GPC4: variants seen among roughly 807,000 people sequenced by gnomAD.
The protein encoded by GPC4 is glypican-4.
Under a neutral mutation model 35.0 loss-of-function variants are expected in GPC4, and 10 were observed. That is an observed-to-expected ratio of 0.29 (90% CI 0.18 to 0.48). The LOEUF (loss-of-function observed/expected upper bound fraction) is 0.48, where lower values mean the gene tolerates loss of function less well. Ranked by LOEUF, GPC4 falls within the 20% of genes least tolerant of loss-of-function variation. The pLI is 0.99. For missense variants in GPC4, 322 were observed against 451.3 expected (o/e 0.71, Z 2.60); for synonymous variants, 167 against 170.2 (o/e 0.98, Z 0.15).
chrX:133,402,695 G>T (rs764401045), intron 1 of GPC4, among the ~76,000 whole-genome samples: 1 of 111,222 alleles, frequency 9.0e-6, no homozygotes, highest in African/African-American at 3.3e-5. Flanking sequence ...CCTGAGGTCA[G>T]GGGTTCGAGA....
chrX:133,387,633 T>C (rs756001133), intron 1 of GPC4, among the ~76,000 whole-genome samples: 10 of 112,174 alleles, frequency 8.9e-5, no homozygotes, highest in Non-Finnish European at 1.3e-4. Flanking sequence ...GGAATAATTA[T>C]ATAGGACTTA....
intron 4 of GPC4, among the ~76,000 whole-genome samples, chrX:133,306,601 G>T (rs1015324535): frequency 9.0e-6 from 1 of 111,640 alleles, no homozygotes; most frequent in African/African-American, 3.3e-5. Flanking sequence ...TTAAGATGCT[G>T]GCATATTAAT....
chrX:133,315,856 TG>T (rs1251683473), intron 3 of GPC4, among the ~76,000 whole-genome samples: 5 of 111,575 alleles, frequency 4.5e-5, no homozygotes, highest in Non-Finnish European at 9.4e-5. Context: ...TCCTTGGGGC[TG>T]GGGTAAGAGC....
chrX:133,334,500 A>T (rs1461135351), intron 2 of GPC4, among the ~76,000 whole-genome samples: 1 of 111,825 alleles, frequency 8.9e-6, no homozygotes, highest in African/African-American at 3.3e-5. Context: ...ATAGAGGGAA[A>T]ATAGAGGGTA....
intron 1 of GPC4, among the ~76,000 whole-genome samples, chrX:133,367,810 G>A (rs12855995): frequency 8.9e-6 from 1 of 112,265 alleles, no homozygotes; most frequent in South Asian, 3.7e-4. Context: ...TCAGGCTGCA[G>A]CGAGCCATGA....
In GPC4 at chrX:133,311,720, A is replaced by C. The variant is rs185546040; in HGVS notation, c.712-297T>G. On this transcript the variant is annotated intron_variant, in intron 3 of 8. Coordinates refer to ENST00000370828, the MANE Select transcript of GPC4 (RefSeq NM_001448.3). ...TGGAGTCTCTCTCTCACACACACAT[A>C]AATTGCTCAATTATCTCAAAATCCT... Among the ~76,000 whole-genome samples, 117 of 110,500 alleles carry C rather than the reference A, an allele frequency of 1.1e-3. 1 individual carries two copies. Among genetic ancestry groups the C allele is most frequent in the Non-Finnish European group, 2.0e-3 (105 of 52,865 alleles).
At chrX:133,320,130 A>G (rs959291663) in intron 3 of GPC4, among the ~76,000 whole-genome samples, 1 of 111,977 alleles carries the variant, frequency 8.9e-6, no homozygotes, top group African/African-American at 3.3e-5. Context: ...TGACCACAAT[A>G]CTTAAAGTAG....
chrX:133,380,579 T>C (rs1219680900), intron 1 of GPC4, among the ~76,000 whole-genome samples: 1 of 111,826 alleles, frequency 8.9e-6, no homozygotes, highest in African/African-American at 3.2e-5. Flanking sequence ...AAGGTATTTA[T>C]TTCCTGGAAC....
In GPC4 at chrX:133,311,370, G is replaced by A; in HGVS notation, c.765C>T (p.Ser255=). The A allele has an allele frequency of 8.3e-7, 1 of 1,210,981 alleles. No individual in the cohort carries two copies. The highest frequency in any genetic ancestry group is 1.1e-6 in the Non-Finnish European group (1 of 894,619). Residue 255 remains serine, a synonymous_variant, in exon 4 of 9, where the codon TCC becomes TCT. Coordinates refer to ENST00000370828, the MANE Select transcript of GPC4 (RefSeq NM_001448.3). ...TCACAGTCACGAGACCCCGGCAGTG[G>A]GAGCAGTAGATCATCTTCAACAGGG... ...THALLKMIYC[S]HCRGLVTVKP...
intron 2 of GPC4, among the ~76,000 whole-genome samples, chrX:133,329,615 A>G (rs2068410014): frequency 9.0e-6 from 1 of 111,386 alleles, no homozygotes; most frequent in South Asian, 3.8e-4. Flanking sequence ...GAGAGCTTAC[A>G]TTACATTAAA....
rs934600468 is a variant in GPC4, at chrX:133,414,897, G to C, written c.69C>G (p.Ala23=). 2 of 1,211,889 alleles carry C rather than the reference G, an allele frequency of 1.7e-6. No homozygotes were observed. Among genetic ancestry groups the C allele is most frequent in the East Asian group, 3.0e-5 (1 of 33,807 alleles). The change falls in exon 1 of 9, where the codon GCC becomes GCG. Residue 23 remains alanine, a synonymous_variant. Transcript: ENST00000370828. ...LAVLSAALLA[A]ELKSKSCSEV... is the part of the protein sequence containing the mutation. ...CCGAGCAACTTTTCGACTTGAGCTC[G>C]GCAGCCAGCAGCGCGGCGCTGAGCA...
intron 4 of GPC4, among the ~76,000 whole-genome samples, chrX:133,307,962 C>T (rs1277489326): frequency 2.7e-5 from 3 of 111,945 alleles, no homozygotes; most frequent in Non-Finnish European, 5.6e-5. Context: ...CGGCTATACA[C>T]AAGAGCCTGG....
chrX:133,380,465 C>T (rs1458935207), intron 1 of GPC4, among the ~76,000 whole-genome samples: 1 of 107,268 alleles, frequency 9.3e-6, no homozygotes, highest in Non-Finnish European at 1.9e-5. Flanking sequence ...ATAATATAGC[C>T]CCTCTGAATC....
At chrX:133,383,132 AT>A (rs1169639438) in intron 1 of GPC4, among the ~76,000 whole-genome samples, 2 of 112,155 alleles carry the variant, frequency 1.8e-5, no homozygotes, top group African/African-American at 6.5e-5. Flanking sequence ...AATTGCCAAA[AT>A]TTGCCAAAAC....
At chrX:133,412,573 C>G (rs2068817550) in intron 1 of GPC4, among the ~76,000 whole-genome samples, 1 of 111,715 alleles carries the variant, frequency 9.0e-6, no homozygotes, top group South Asian at 3.8e-4. Context: ...AGCAGCAGCC[C>G]AGGGAGGGAG....
chrX:133,370,604 A>C (rs952545154), intron 1 of GPC4, among the ~76,000 whole-genome samples: 1 of 111,188 alleles, frequency 9.0e-6, no homozygotes, highest in Non-Finnish European at 1.9e-5. Context: ...AACCTGGATC[A>C]CATTTCCAGG....
intron 3 of GPC4, among the ~76,000 whole-genome samples, chrX:133,318,394 A>C (rs1392205047): frequency 8.9e-6 from 1 of 112,233 alleles, no homozygotes; most frequent in African/African-American, 3.2e-5. Context: ...AGAATGCAAC[A>C]CGGGGAAGGC....
chrX:133,365,764 A>T (rs1037756260), intron 1 of GPC4, among the ~76,000 whole-genome samples: 2 of 112,677 alleles, frequency 1.8e-5, no homozygotes, highest in African/African-American at 6.4e-5. Flanking sequence ...CTGCAGACTG[A>T]TTTCTCTTTA....
intron 3 of GPC4, among the ~76,000 whole-genome samples, chrX:133,313,502 C>G (rs770742326): frequency 1.8e-5 from 2 of 112,178 alleles, no homozygotes; most frequent in South Asian, 7.5e-4. Context: ...GCCAGATTTG[C>G]TGGACAGCTG....
Sources: allele counts gnomAD v4.1 joint callset (sites outside exome capture counted in the v4.1 genomes callset), GRCh38; gene constraint gnomAD v4.1.1; transcripts MANE v1.5; gene names NCBI Gene and HGNC (gene_info 2026-07-23, HGNC 2026-07-21).